Variants in PUS10 observed in about 807,000 individuals in gnomAD.
PUS10 encodes pseudouridine synthase 10.
A neutral mutation model predicts 75.0 loss-of-function variants in PUS10; 59 were observed. The observed-to-expected ratio is 0.79, with a 90% confidence interval of 0.64 to 0.98. The LOEUF is 0.98. Ranked by LOEUF, PUS10 falls within the 50% of genes least tolerant of loss-of-function variation. The pLI, the probability that PUS10 is intolerant of heterozygous loss-of-function variation, is 0.00. For missense variants in PUS10, 650 were observed against 614.4 expected, an observed-to-expected ratio of 1.06 and a Z score of -0.61; for synonymous variants, 219 against 211.6, an observed-to-expected ratio of 1.03 and a Z score of -0.30.
intron 16 of PUS10, among the ~76,000 whole-genome samples, chr2:60,945,472 AT>A (rs932324912): frequency 6.6e-6 from 1 of 152,268 alleles, no homozygotes; most frequent in African/African-American, 2.4e-5. Flanking sequence ...TGTTAGTCCC[AT>A]TTTTTTAATA....
intron 2 of PUS10, among the ~76,000 whole-genome samples, chr2:61,009,398 GA>G (rs1036489213): frequency 1.3e-5 from 2 of 152,082 alleles, no homozygotes; most frequent in African/African-American, 4.8e-5. Context: ...AGTACAAACT[GA>G]ATTTCCATCC....
At position 60,979,541 on chromosome 2, in the gene PUS10, G is replaced by A. The variant is rs551812622; in HGVS notation, c.469-7984C>T. On this transcript the variant is annotated intron_variant, in intron 4 of 17. Coordinates refer to ENST00000316752, the MANE Select transcript of PUS10 (RefSeq NM_144709.4). ...GCACCACCACCATCTCCTCACCCCC[G>A]CCACCTCCCCATCTCAAAACTTTCT... Among the ~76,000 whole-genome samples, 12 of 152,010 alleles carry A rather than the reference G, an allele frequency of 7.9e-5. No homozygotes were observed. The South Asian group carries it at 1.5e-3, about 18-fold the overall frequency.
intron 5 of PUS10, 131 bp downstream of exon 5, chr2:60,971,392 T>C (rs1266446466): frequency 2.5e-6 from 2 of 793,850 alleles, no homozygotes; most frequent in South Asian, 1.5e-5. Flanking sequence ...TAAAAATTGG[T>C]TCTTTGTGCT....
At chr2:61,010,684 G>A in intron 2 of PUS10, 2 of 1,276,392 alleles carry the variant, frequency 1.6e-6, no homozygotes, top group Non-Finnish European at 1.1e-6. Context: ...TTAAAGTCCT[G>A]TGAGGTGGGT....
intron 4 of PUS10, among the ~76,000 whole-genome samples, chr2:60,979,596 G>A (rs1053027431): frequency 3.3e-5 from 5 of 152,236 alleles, no homozygotes; most frequent in African/African-American, 9.6e-5. Context: ...GATGTCAGAC[G>A]TGTGATTAAA....
intron 4 of PUS10, among the ~76,000 whole-genome samples, chr2:60,995,627 T>C (rs1678405964): frequency 6.6e-6 from 1 of 152,136 alleles, no homozygotes; most frequent in Admixed American, 6.5e-5. Context: ...GGAGGAAAAA[T>C]AGTTTAATAA....
intron 16 of PUS10, among the ~76,000 whole-genome samples, chr2:60,947,063 T>C (rs1398920450): frequency 2.0e-5 from 3 of 152,224 alleles, no homozygotes. Flanking sequence ...ACAAAAATCA[T>C]ACAAGTCAGG....
chr2:60,960,149 C>CAA (rs559273848), intron 11 of PUS10, among the ~76,000 whole-genome samples: 28,448 of 87,726 alleles, frequency 0.32, 5,460 homozygotes, highest in Middle Eastern at 0.53. Flanking sequence ...CAGGCTCTCT[C>CAA]AAAAAAAAAA....
chr2:61,008,034 G>A (rs1163718494), intron 3 of PUS10, among the ~76,000 whole-genome samples: 2 of 150,318 alleles, frequency 1.3e-5, no homozygotes, highest in Non-Finnish European at 3.0e-5. Flanking sequence ...CAGAGATTGC[G>A]CCACTGTGCT....
At chr2:60,965,002 A>C in intron 8 of PUS10, 56 bp downstream of exon 8, 6 of 1,469,756 alleles carry the variant, frequency 4.1e-6, no homozygotes, top group Non-Finnish European at 5.7e-6. Flanking sequence ...TGGAAATTTG[A>C]ATATTCAGCT....
Position 60,960,478 on chromosome 2 carries a change from G to C in PUS10, c.914C>G (p.Pro305Arg), listed in dbSNP as rs1390716880. 6.4e-7 allele frequency: 1 copy of C among 1,573,070 alleles called. No individual in the cohort carries two copies. The highest frequency in any genetic ancestry group is 8.6e-7 in the Non-Finnish European group (1 of 1,165,066). The change falls in exon 11 of 18, where the codon CCT becomes CGT. Residue 305 changes from proline to arginine, a missense_variant. Coordinates refer to ENST00000316752, the MANE Select transcript of PUS10 (RefSeq NM_144709.4). ...CTTCCTTTCTCCATCAATTATCCAA[G>C]GAGTTTGTGGTAGATTCCTGGAGTA... is the stretch of plus-strand genomic sequence containing the variant. Reference protein sequence around the residue: ...NKYSRNLPQTPWIIDGERKLE... With the variant: ...NKYSRNLPQTRWIIDGERKLE...
intron 5 of PUS10, among the ~76,000 whole-genome samples, chr2:60,969,708 A>G (rs1573430057): frequency 6.6e-6 from 1 of 152,222 alleles, no homozygotes; most frequent in Admixed American, 6.5e-5. Flanking sequence ...GGAAAAGAAC[A>G]ATGACCTGTG....
intron 11 of PUS10, among the ~76,000 whole-genome samples, chr2:60,957,694 AGT>A (rs1675767307): frequency 6.6e-6 from 1 of 152,232 alleles, no homozygotes; most frequent in South Asian, 2.1e-4. Context: ...CTGGGATCCT[AGT>A]GGTGATCTGT....
In PUS10 at chr2:60,945,026, G is replaced by C; in HGVS notation, c.1534C>G (p.Leu512Val). 1.2e-6 allele frequency: 2 copies of C among 1,613,330 alleles called. No individual in the cohort carries two copies. The highest frequency in any genetic ancestry group is 1.7e-6 in the Non-Finnish European group (2 of 1,179,272). ...TGGTTTACCTCAACATCCAGCTCCA[G>C]AATGTCTGCAGTCACATTCATCAGG... ...GSLMNVTADI[L>V]ELDVESVDVD... is the part of the protein sequence containing the mutation. Residue 512 changes from leucine to valine, a missense_variant, in exon 17 of 18, where the codon CTG (leucine) becomes GTG (valine). By Grantham distance (32) the Leu-to-Val change is conservative. Coordinates refer to ENST00000316752, the MANE Select transcript of PUS10 (RefSeq NM_144709.4).
At chr2:60,974,132 G>A (rs1332530366) in intron 4 of PUS10, among the ~76,000 whole-genome samples, 1 of 151,968 alleles carries the variant, frequency 6.6e-6, no homozygotes, top group South Asian at 2.1e-4. Flanking sequence ...AACACTTATC[G>A]GGACACCCTG....
At chr2:60,947,689 C>G (rs113415284) in intron 16 of PUS10, among the ~76,000 whole-genome samples, 2 of 151,782 alleles carry the variant, frequency 1.3e-5, no homozygotes, top group Non-Finnish European at 2.9e-5. Context: ...ATTAGTCAGG[C>G]GTGGTGGCAG....
chr2:60,978,808 C>T (rs1022409307), intron 4 of PUS10, among the ~76,000 whole-genome samples: 1 of 152,066 alleles, frequency 6.6e-6, no homozygotes, highest in African/African-American at 2.4e-5. Context: ...GTAATTCAAG[C>T]AAGAAAAAAT....
chr2:60,990,503 A>T (rs1451274518), intron 4 of PUS10, among the ~76,000 whole-genome samples: 1 of 152,194 alleles, frequency 6.6e-6, no homozygotes, highest in Non-Finnish European at 1.5e-5. Context: ...ATGAAGCATG[A>T]CACCCTAGAA....
intron 4 of PUS10, among the ~76,000 whole-genome samples, chr2:60,990,168 A>C (rs999383933): frequency 6.6e-6 from 1 of 152,192 alleles, no homozygotes; most frequent in Non-Finnish European, 1.5e-5. Context: ...ACGGGAAAAA[A>C]AACCTAGAAA....
Sources: allele counts gnomAD v4.1 joint callset (sites outside exome capture counted in the v4.1 genomes callset), GRCh38; gene constraint gnomAD v4.1.1; transcripts MANE v1.5; gene names NCBI Gene and HGNC (gene_info 2026-07-23, HGNC 2026-07-21).